PON3: variants seen among roughly 807,000 people sequenced by gnomAD.
The protein encoded by PON3 is paraoxonase 3.
In PON3, 37 loss-of-function variants were observed where a neutral mutation model predicts 36.3. The observed-to-expected ratio is 1.02, with a 90% CI of 0.78 to 1.34. PON3 has a LOEUF of 1.34. Among genes scored for constraint, PON3 ranks in the 40% most tolerant of loss-of-function variants. The probability of loss-of-function intolerance (pLI) is 0.00; values close to 1 mark genes in which losing one functional copy is unlikely to be tolerated. For missense variants in PON3, 415 were observed against 426.5 expected (o/e 0.97, Z 0.24); for synonymous variants, 155 against 154.8 (o/e 1.00, Z -0.01).
intron 3 of PON3, among the ~76,000 whole-genome samples, chr7:95,376,970 G>C (rs1319028068): frequency 6.6e-6 from 1 of 152,228 alleles, no homozygotes; most frequent in Non-Finnish European, 1.5e-5. Flanking sequence ...AGTGCAAGGG[G>C]TCAGGGGATT....
chr7:95,375,324 GTA>G (rs1426977241), intron 3 of PON3, among the ~76,000 whole-genome samples: 1 of 149,270 alleles, frequency 6.7e-6, no homozygotes, highest in Non-Finnish European at 1.5e-5. Flanking sequence ...GTATGTGTGT[GTA>G]TATATGTATG....
chr7:95,362,754 T>A lies in PON3; in HGVS notation c.777+6A>T. 6.2e-7 allele frequency: 1 copy of A among 1,600,066 alleles called. No individual in the cohort carries two copies. The highest frequency in any genetic ancestry group is 8.6e-7 in the Non-Finnish European group (1 of 1,167,366). ...AGATTGTGTGGGCCAGACAGGGTAC[T>A]CTTACCTTCAGTTGAGTTAAATCCC... On this transcript the variant is annotated splice_donor_region_variant and intron_variant, in intron 7 of 8. Transcript: ENST00000265627.
intron 1 of PON3, chr7:95,396,012 G>A (rs778045638): frequency 1.7e-4 from 85 of 512,854 alleles, no homozygotes; most frequent in Non-Finnish European, 2.8e-4. Flanking sequence ...GTAAAAGGGG[G>A]TCATGACCTT....
chr7:95,378,929 A>C (rs747554743), intron 3 of PON3, among the ~76,000 whole-genome samples: 3 of 152,206 alleles, frequency 2.0e-5, no homozygotes, highest in Non-Finnish European at 2.9e-5. Context: ...TAAATGGGCT[A>C]AATGCCCCGA....
intron 3 of PON3, among the ~76,000 whole-genome samples, chr7:95,389,571 G>C (rs763488927): frequency 3.3e-5 from 5 of 152,146 alleles, no homozygotes; most frequent in Admixed American, 1.3e-4. Context: ...CCGAAATGCT[G>C]TCCCTGGTGT....
intron 3 of PON3, among the ~76,000 whole-genome samples, chr7:95,387,973 A>C (rs1349959505): frequency 6.6e-6 from 1 of 152,206 alleles, no homozygotes; most frequent in Non-Finnish European, 1.5e-5. Context: ...ACCTTATACA[A>C]AAGTTAATTC....
chr7:95,376,446 T>G (rs549625405), intron 3 of PON3, among the ~76,000 whole-genome samples: 1 of 152,190 alleles, frequency 6.6e-6, no homozygotes, highest in South Asian at 2.1e-4. Flanking sequence ...AAGAACAAGG[T>G]CCTGAATTTA....
chr7:95,386,699 T>A (rs533033763), intron 3 of PON3, among the ~76,000 whole-genome samples: 2 of 152,230 alleles, frequency 1.3e-5, no homozygotes, highest in Non-Finnish European at 2.9e-5. Flanking sequence ...TTTAGGCCAA[T>A]AACCCTGATG....
chr7:95,396,224 C>G, intron 1 of PON3, 53 bp downstream of exon 1: 1 of 1,595,250 alleles, frequency 6.3e-7, no homozygotes, highest in Admixed American at 1.7e-5. Context: ...CCTGACCTCA[C>G]TTGGAAGAGG....
At chr7:95,395,934 A>G (rs775926686) in intron 1 of PON3, 40 of 359,110 alleles carry the variant, frequency 1.1e-4, no homozygotes, top group Non-Finnish European at 1.9e-4. Context: ...GGCGTTTCCA[A>G]TGGACGTCCT....
At chr7:95,379,021 G>C (rs1460554034) in intron 3 of PON3, among the ~76,000 whole-genome samples, 2 of 150,758 alleles carry the variant, frequency 1.3e-5, no homozygotes, top group Non-Finnish European at 2.9e-5. Context: ...CATGTGCAAA[G>C]ACACACATAG....
At chr7:95,383,934 C>T (rs199962995) in intron 3 of PON3, among the ~76,000 whole-genome samples, 8 of 152,180 alleles carry the variant, frequency 5.3e-5, no homozygotes, top group South Asian at 4.2e-4. Context: ...GGAGGCATCA[C>T]GCTACCTGAC....
At chr7:95,372,047 A>T (rs574043656) in intron 4 of PON3, 126 bp downstream of exon 4, 25 of 1,191,618 alleles carry the variant, frequency 2.1e-5, no homozygotes, top group East Asian at 1.2e-4. Flanking sequence ...TTATCATTTA[A>T]AAAAAACACA....
At chr7:95,369,562 G>T (rs963916504) in intron 4 of PON3, among the ~76,000 whole-genome samples, 9 of 152,198 alleles carry the variant, frequency 5.9e-5, no homozygotes, top group African/African-American at 2.2e-4. Context: ...ATCACCTGAG[G>T]TCAGAAGTTC....
intron 3 of PON3, among the ~76,000 whole-genome samples, chr7:95,381,982 C>A (rs938231239): frequency 2.6e-5 from 4 of 152,124 alleles, no homozygotes; most frequent in South Asian, 4.1e-4. Flanking sequence ...TGTAAAAGAA[C>A]AGAAATTATA....
chr7:95,378,150 G>A (rs1808962657), intron 3 of PON3, among the ~76,000 whole-genome samples: 1 of 152,074 alleles, frequency 6.6e-6, no homozygotes, highest in Non-Finnish European at 1.5e-5. Context: ...GTGGAAGAAA[G>A]GATATCAGTG....
At chr7:95,377,186 G>A (rs566933681) in intron 3 of PON3, among the ~76,000 whole-genome samples, 1 of 152,346 alleles carries the variant, frequency 6.6e-6, no homozygotes, top group Admixed American at 6.5e-5. Context: ...GCTGCAGCTT[G>A]GCAGGGGGAG....
At chr7:95,379,672 G>A (rs1289270172) in intron 3 of PON3, among the ~76,000 whole-genome samples, 1 of 152,236 alleles carries the variant, frequency 6.6e-6, no homozygotes, top group Non-Finnish European at 1.5e-5. Flanking sequence ...GCCCGCCATT[G>A]CTGAGGCTTG....
intron 5 of PON3, chr7:95,364,527 C>A: frequency 4.2e-6 from 1 of 238,980 alleles, no homozygotes. Flanking sequence ...ATTTTAAGAA[C>A]CACTGCTTGC....
Sources: allele counts gnomAD v4.1 joint callset (sites outside exome capture counted in the v4.1 genomes callset), GRCh38; gene constraint gnomAD v4.1.1; transcripts MANE v1.5; gene names NCBI Gene and HGNC (gene_info 2026-07-23, HGNC 2026-07-21).